ERBIN: variants seen among roughly 807,000 people sequenced by gnomAD.
ERBIN encodes the protein densin-180-like protein.
Under a neutral mutation model 158.4 loss-of-function variants are expected in ERBIN, and 60 were observed. That is an observed-to-expected ratio of 0.38 (90% confidence interval 0.31 to 0.47). The LOEUF (loss-of-function observed/expected upper bound fraction) is 0.47, where lower values mean the gene tolerates loss of function less well. Ranked by LOEUF, ERBIN falls within the 20% of genes least tolerant of loss-of-function variation. The probability of loss-of-function intolerance (pLI) is 0.99; values close to 1 mark genes in which losing one functional copy is unlikely to be tolerated. For missense variants in ERBIN, 1,610 were observed against 1,648.0 expected (o/e 0.98, Z 0.40); for synonymous variants, 594 against 557.2 (o/e 1.07, Z -0.93).
chr5:66,066,952 A>C (rs577431865), intron 21 of ERBIN, among the ~76,000 whole-genome samples: 5 of 152,308 alleles, frequency 3.3e-5, no homozygotes, highest in African/African-American at 1.2e-4. Context: ...CAGTAAGCTC[A>C]TGTGTTTGGA....
chr5:66,066,440 G>A (rs1390174926), intron 21 of ERBIN, among the ~76,000 whole-genome samples: 1 of 151,490 alleles, frequency 6.6e-6, no homozygotes. Flanking sequence ...TCAGCTGAGA[G>A]TTAGTAGTAA....
rs182508567 is a variant in ERBIN, at chr5:66,018,857, G to A, written c.534-2465G>A. Among the ~76,000 whole-genome samples the A allele has an allele frequency of 4.4e-3, 659 of 151,208 alleles. 6 individuals carry two copies. Among genetic ancestry groups the A allele is most frequent in the African/African-American group, 0.015 (633 of 41,280 alleles). ...TCACCATGTTAGCCAGGATGGTCTCGATCTCCTGACCTCATGATGCGCCTG... is the reference window on the plus strand; with the variant it reads ...TCACCATGTTAGCCAGGATGGTCTCAATCTCCTGACCTCATGATGCGCCTG... On this transcript the variant is annotated intron_variant, in intron 7 of 25. Transcript: ENST00000284037.
chr5:65,965,385 T>G (rs200235157), intron 1 of ERBIN, among the ~76,000 whole-genome samples: 175 of 5,038 alleles, frequency 0.035, no homozygotes, highest in East Asian at 0.088. Flanking sequence ...TTTTGTTGTT[T>G]TTTTTTTTTT....
At chr5:65,941,328 AAAAAG>A (rs1236426153) in intron 1 of ERBIN, among the ~76,000 whole-genome samples, 1 of 57,726 alleles carries the variant, frequency 1.7e-5, no homozygotes, top group Non-Finnish European at 5.8e-5. Flanking sequence ...AAAAAAAAAA[AAAAAG>A]AACAATACAA....
chr5:65,937,379 C>T (rs1744212579), intron 1 of ERBIN, among the ~76,000 whole-genome samples: 1 of 152,094 alleles, frequency 6.6e-6, no homozygotes, highest in African/African-American at 2.4e-5. Flanking sequence ...GTTGTAGTGC[C>T]GTTTGTTGAA....
intron 1 of ERBIN, among the ~76,000 whole-genome samples, chr5:65,978,149 A>G (rs1750241021): frequency 6.6e-6 from 1 of 152,158 alleles, no homozygotes; most frequent in Non-Finnish European, 1.5e-5. Context: ...AGTCAACTCT[A>G]TGCTAGGAAC....
chr5:66,065,268 ATACATTGTTT>A (rs1414483239), intron 21 of ERBIN, among the ~76,000 whole-genome samples: 2 of 152,192 alleles, frequency 1.3e-5, no homozygotes, highest in Non-Finnish European at 2.9e-5. Context: ...GACTGAAAAG[ATACATTGTTT>A]TAAGTAATGT....
intron 1 of ERBIN, among the ~76,000 whole-genome samples, chr5:65,942,580 A>G (rs1190517125): frequency 6.6e-6 from 1 of 152,240 alleles, no homozygotes; most frequent in Non-Finnish European, 1.5e-5. Flanking sequence ...GTTTCAGAGA[A>G]AGATTTATCC....
chr5:66,038,510 T>G, intron 15 of ERBIN, 28 bp downstream of exon 15: 1 of 1,518,790 alleles, frequency 6.6e-7, no homozygotes, highest in Non-Finnish European at 9.1e-7. Context: ...GATTTTCTTG[T>G]TAAAAACAAA....
At chr5:65,939,578 G>A (rs1178479341) in intron 1 of ERBIN, among the ~76,000 whole-genome samples, 1 of 151,114 alleles carries the variant, frequency 6.6e-6, no homozygotes, top group African/African-American at 2.4e-5. Context: ...CTCTTTCCAC[G>A]GTCTCCCACT....
chr5:65,993,878 C>T lies in ERBIN; in HGVS notation c.190-869C>T, dbSNP rs915666457. On this transcript the variant is annotated intron_variant, in intron 3 of 25. Coordinates refer to ENST00000284037, the MANE Select transcript of ERBIN (RefSeq NM_001253697.2). ...AATTATTTGTTGTTTGTCTGAAATT[C>T]AAATTTAATGGACATCTTATACCTA... 7.2e-5 allele frequency among the ~76,000 whole-genome samples: 11 copies of T among 152,132 alleles called. 1 individual carries two copies. The highest frequency in any genetic ancestry group is 2.7e-4 in the African/African-American group (11 of 41,496).
At chr5:65,994,652 C>G in intron 3 of ERBIN, 95 bp from the exon 4 acceptor site, 1 of 664,456 alleles carries the variant, frequency 1.5e-6, no homozygotes, top group Non-Finnish European at 2.6e-6. Context: ...TAGGTTATAA[C>G]TCATTCAGTT....
At position 66,053,375 on chromosome 5, in the gene ERBIN, T is replaced by A. The variant is rs758573369; in HGVS notation, c.2088-31T>A. 1.0e-5 allele frequency: 14 copies of A among 1,345,364 alleles called. 1 individual carries two copies. The African/African-American group carries it at 1.5e-4, about 14-fold the overall frequency. The allele number at this position is 1,345,364 out of a possible 1,614,324, so 83.3% of individuals were successfully genotyped here. ...TGTTACTAAGAAAACTCGGCTTTATTATGTTTTTCATAAAATTATCTTTAT... is the reference window on the plus strand; with the variant it reads ...TGTTACTAAGAAAACTCGGCTTTATAATGTTTTTCATAAAATTATCTTTAT... On this transcript the variant is annotated intron_variant, in intron 20 of 25. Coordinates refer to ENST00000284037, the MANE Select transcript of ERBIN (RefSeq NM_001253697.2).
At chr5:66,031,012 A>T (rs1756810961) in intron 14 of ERBIN, among the ~76,000 whole-genome samples, 1 of 152,210 alleles carries the variant, frequency 6.6e-6, no homozygotes, top group Admixed American at 6.5e-5. Context: ...ACTTGGTTTA[A>T]AACAAAAATT....
intron 21 of ERBIN, among the ~76,000 whole-genome samples, chr5:66,056,672 A>G (rs1049032340): frequency 1.3e-5 from 2 of 152,152 alleles, no homozygotes; most frequent in Non-Finnish European, 2.9e-5. Context: ...GATTGAAACT[A>G]AAGAGAAGCC....
intron 1 of ERBIN, among the ~76,000 whole-genome samples, chr5:65,940,469 GGGTCAGTCCCCCCCCCCCC>G (rs1435025463): frequency 7.7e-6 from 1 of 129,700 alleles, no homozygotes; most frequent in Non-Finnish European, 1.6e-5. Context: ...GGAGGTGGGG[GGGTCAGTCCCCCCCCCCCC>G]GGCCAGCCGC....
chr5:66,028,783 T>C (rs764487449), intron 14 of ERBIN, among the ~76,000 whole-genome samples: 1 of 152,166 alleles, frequency 6.6e-6, no homozygotes, highest in Non-Finnish European at 1.5e-5. Context: ...TTGACCAATA[T>C]ATCCCAATCC....
intron 1 of ERBIN, among the ~76,000 whole-genome samples, chr5:65,943,604 A>G (rs138607820): frequency 1.4e-4 from 22 of 152,048 alleles, no homozygotes; most frequent in African/African-American, 5.1e-4. Context: ...TCCAAGTCCA[A>G]CTCAAGTACC....
chr5:65,987,731 CCTA>C (rs1751416398), intron 1 of ERBIN, among the ~76,000 whole-genome samples: 1 of 151,716 alleles, frequency 6.6e-6, no homozygotes, highest in Admixed American at 6.6e-5. Context: ...TGTAATCCCA[CCTA>C]CTCGGCAGGC....
Sources: gnomAD v4.1 joint callset for allele counts (sites outside exome capture counted in the v4.1 genomes callset) on GRCh38, gnomAD v4.1.1 for gene constraint, MANE v1.5 for transcripts, NCBI Gene and HGNC (gene_info 2026-07-23, HGNC 2026-07-21) for gene names.